The following GREB1L variants were observed in gnomAD, a reference collection of about 807,000 sequenced individuals.
The protein encoded by GREB1L is GREB1 like retinoic acid receptor coactivator, also known as GREB1-like protein.
GREB1L carries 17 observed loss-of-function variants against 200.8 expected under a neutral mutation model. The observed-to-expected ratio is 0.08, with a 90% CI of 0.06 to 0.13. GREB1L has a LOEUF of 0.13. Ranked by LOEUF, GREB1L falls within the 10% of genes least tolerant of loss-of-function variation. GREB1L has a pLI of 1.00. For synonymous variants in GREB1L, 789 were observed against 893.0 expected, an observed-to-expected ratio of 0.88 and a Z score of 2.08; for missense variants, 1,657 against 2,367.7, an observed-to-expected ratio of 0.70 and a Z score of 6.23.
intron 19 of GREB1L, 64 bp downstream of exon 19, chr18:21,490,415 C>A: frequency 1.4e-6 from 2 of 1,401,528 alleles, no homozygotes; most frequent in Non-Finnish European, 9.7e-7. Context: ...AGGAATCCTA[C>A]ATAGGTGGCT....
intron 1 of GREB1L, among the ~76,000 whole-genome samples, chr18:21,335,102 T>C (rs2039164822): frequency 6.6e-6 from 1 of 152,194 alleles, no homozygotes; most frequent in Non-Finnish European, 1.5e-5. Flanking sequence ...CATTTGTACC[T>C]AACATATTTT....
intron 4 of GREB1L, among the ~76,000 whole-genome samples, chr18:21,389,131 G>C (rs1020749187): frequency 6.6e-6 from 1 of 151,992 alleles, no homozygotes; most frequent in Non-Finnish European, 1.5e-5. Flanking sequence ...AAATTCTACT[G>C]CCTGGGAATT....
At chr18:21,261,263 T>C (rs2037885870) in intron 1 of GREB1L, among the ~76,000 whole-genome samples, 1 of 152,088 alleles carries the variant, frequency 6.6e-6, no homozygotes, top group Non-Finnish European at 1.5e-5. Flanking sequence ...TCTGATACTG[T>C]AATTATAAAT....
chr18:21,418,073 A>AG (rs1377193902), intron 7 of GREB1L, among the ~76,000 whole-genome samples: 2 of 152,204 alleles, frequency 1.3e-5, no homozygotes, highest in Non-Finnish European at 2.9e-5. Context: ...TCTATTTAAA[A>AG]GATGATTGTT....
intron 15 of GREB1L, among the ~76,000 whole-genome samples, chr18:21,462,932 C>T (rs764222384): frequency 5.9e-5 from 9 of 152,102 alleles, no homozygotes; most frequent in Non-Finnish European, 1.3e-4. Context: ...ATTAACCACA[C>T]AGCAAAAAGA....
At chr18:21,340,746 T>A (rs1032598270) in intron 1 of GREB1L, among the ~76,000 whole-genome samples, 1 of 151,998 alleles carries the variant, frequency 6.6e-6, no homozygotes, top group Non-Finnish European at 1.5e-5. Context: ...GGTTTCACCG[T>A]GTTGGCCCAG....
intron 2 of GREB1L, among the ~76,000 whole-genome samples, chr18:21,374,701 C>T (rs1340090908): frequency 1.3e-5 from 2 of 151,912 alleles, no homozygotes; most frequent in Non-Finnish European, 2.9e-5. Flanking sequence ...CTTGTTCTTC[C>T]TTGTCATTTC....
chr18:21,521,443 G>A (rs1406455962), intron 32 of GREB1L, among the ~76,000 whole-genome samples: 1 of 152,016 alleles, frequency 6.6e-6, no homozygotes, highest in Non-Finnish European at 1.5e-5. Context: ...CTTATAAAAT[G>A]ACCTTTGAGA....
chr18:21,347,320 T>G (rs974623441), intron 1 of GREB1L, among the ~76,000 whole-genome samples: 2 of 151,522 alleles, frequency 1.3e-5, no homozygotes, highest in African/African-American at 4.8e-5. Flanking sequence ...CAACAACAAC[T>G]GTAACTGTCT....
rs1253052388 is a variant in GREB1L, at chr18:21,289,758, C to T, written c.-120+47365C>T. On this transcript the variant is annotated intron_variant, in intron 1 of 32. Transcript: ENST00000424526. Reference sequence around the variant, plus strand: ...TCACTGTGATAATCTGGATTGTTTTCTGCTTTAGGCAATTAAATCAGAATT... The same window carrying T: ...TCACTGTGATAATCTGGATTGTTTTTTGCTTTAGGCAATTAAATCAGAATT... 3.3e-5 allele frequency among the ~76,000 whole-genome samples: 5 copies of T among 152,086 alleles called. No homozygotes were observed. The East Asian group carries it at 9.6e-4, about 29-fold the overall frequency.
intron 1 of GREB1L, among the ~76,000 whole-genome samples, chr18:21,250,202 C>G (rs2037680013): frequency 6.6e-6 from 1 of 152,146 alleles, no homozygotes; most frequent in Non-Finnish European, 1.5e-5. Flanking sequence ...GAGAGGTAAT[C>G]TAGATCTTTT....
At chr18:21,387,337 G>A (rs1218470330) in intron 4 of GREB1L, among the ~76,000 whole-genome samples, 1 of 152,124 alleles carries the variant, frequency 6.6e-6, no homozygotes, top group Admixed American at 6.5e-5. Context: ...TTTTCTTAAG[G>A]AAATGCAGAT....
intron 1 of GREB1L, among the ~76,000 whole-genome samples, chr18:21,280,117 C>T (rs1353879592): frequency 6.6e-6 from 1 of 152,170 alleles, no homozygotes; most frequent in African/African-American, 2.4e-5. Context: ...TACATAGTTT[C>T]ATCTGTTACT....
intron 1 of GREB1L, among the ~76,000 whole-genome samples, chr18:21,302,423 T>A (rs966005168): frequency 2.0e-5 from 3 of 152,190 alleles, no homozygotes; most frequent in African/African-American, 7.2e-5. Flanking sequence ...CAAAATAGAA[T>A]GAGAGCTCCT....
chr18:21,391,638 T>G (rs1429817124), intron 4 of GREB1L, among the ~76,000 whole-genome samples: 1 of 152,242 alleles, frequency 6.6e-6, no homozygotes, highest in African/African-American at 2.4e-5. Flanking sequence ...CATTTACATA[T>G]TAAAGAGGTT....
At chr18:21,376,931 T>C (rs1265681443) in intron 2 of GREB1L, among the ~76,000 whole-genome samples, 1 of 152,188 alleles carries the variant, frequency 6.6e-6, no homozygotes, top group African/African-American at 2.4e-5. Flanking sequence ...TTCCATAATT[T>C]TTATTGTAAA....
At chr18:21,255,562 C>CT (rs1204612698) in intron 1 of GREB1L, among the ~76,000 whole-genome samples, 1 of 152,050 alleles carries the variant, frequency 6.6e-6, no homozygotes, top group East Asian at 1.9e-4. Flanking sequence ...ATTCTGAGCC[C>CT]TAGGAATAGG....
chr18:21,252,390 T>G (rs2037722871), intron 1 of GREB1L, among the ~76,000 whole-genome samples: 1 of 151,272 alleles, frequency 6.6e-6, no homozygotes, highest in Non-Finnish European at 1.5e-5. Flanking sequence ...AAACCCCGTC[T>G]CCACTAAAAA....
At chr18:21,328,019 C>T (rs1446030375) in intron 1 of GREB1L, among the ~76,000 whole-genome samples, 1 of 152,118 alleles carries the variant, frequency 6.6e-6, no homozygotes, top group African/African-American at 2.4e-5. Flanking sequence ...CGGCCAACCC[C>T]AGCCTTTCTT....
Sources: gnomAD v4.1 joint callset for allele counts (sites outside exome capture counted in the v4.1 genomes callset) on GRCh38, gnomAD v4.1.1 for gene constraint, MANE v1.5 for transcripts, NCBI Gene and HGNC (gene_info 2026-07-23, HGNC 2026-07-21) for gene names.